PTPRD: variants seen among roughly 807,000 people sequenced by gnomAD.
PTPRD encodes the protein protein tyrosine phosphatase receptor type D.
In PTPRD, 34 loss-of-function variants were observed where a neutral mutation model predicts 214.5. The ratio of observed to expected loss-of-function variants is 0.16; its 90% CI spans 0.12 to 0.21. PTPRD has a LOEUF of 0.21. Among genes scored for constraint, PTPRD ranks in the 10% least tolerant of loss-of-function variants. The pLI, the probability that PTPRD is intolerant of heterozygous loss-of-function variation, is 1.00. For missense variants in PTPRD, 2,545 were observed against 2,398.7 expected (o/e 1.06, Z -1.27); for synonymous variants, 1,128 against 845.7 (o/e 1.33, Z -5.79).
At chr9:8,479,121 C>A (rs1323537095) in intron 30 of PTPRD, among the ~76,000 whole-genome samples, 1 of 152,202 alleles carries the variant, frequency 6.6e-6, no homozygotes, top group Non-Finnish European at 1.5e-5. Context: ...AACTTGCCAA[C>A]CACGGCAAGT....
intron 5 of PTPRD, among the ~76,000 whole-genome samples, chr9:9,933,951 A>G (rs1206064355): frequency 6.9e-6 from 1 of 145,690 alleles, no homozygotes; most frequent in Non-Finnish European, 1.5e-5. Flanking sequence ...ACTACATGGA[A>G]ACTGAACAAC....
chr9:10,566,023 G>A (rs2065491628), intron 2 of PTPRD, among the ~76,000 whole-genome samples: 1 of 151,818 alleles, frequency 6.6e-6, no homozygotes, highest in African/African-American at 2.4e-5. Context: ...TGAGTTTTAT[G>A]TTAATGGAAA....
intron 5 of PTPRD, among the ~76,000 whole-genome samples, chr9:9,768,476 T>C (rs1334607808): frequency 6.6e-6 from 1 of 152,232 alleles, no homozygotes; most frequent in Non-Finnish European, 1.5e-5. Context: ...GTTTCATTTC[T>C]TCTCTTATTA....
intron 9 of PTPRD, among the ~76,000 whole-genome samples, chr9:9,295,765 G>C (rs1952786239): frequency 6.6e-6 from 1 of 151,806 alleles, no homozygotes. Flanking sequence ...TTTACAACCA[G>C]GGTGGGGAAC....
intron 4 of PTPRD, among the ~76,000 whole-genome samples, chr9:9,968,887 A>G (rs1361485402): frequency 1.3e-5 from 2 of 152,128 alleles, no homozygotes; most frequent in South Asian, 2.1e-4. Flanking sequence ...TAATAACTGA[A>G]TAAGTTATTA....
chr9:9,439,127 T>C (rs2086493879), intron 8 of PTPRD, among the ~76,000 whole-genome samples: 1 of 152,284 alleles, frequency 6.6e-6, no homozygotes, highest in South Asian at 2.1e-4. Context: ...CATTAAAATA[T>C]ATATGGCTTA....
At chr9:9,956,392 G>A (rs534117909) in intron 4 of PTPRD, among the ~76,000 whole-genome samples, 4 of 151,822 alleles carry the variant, frequency 2.6e-5, no homozygotes, top group South Asian at 2.1e-4. Context: ...ATTTCTGCAC[G>A]AACCTGAAAG....
intron 3 of PTPRD, among the ~76,000 whole-genome samples, chr9:10,067,814 A>G (rs2097912434): frequency 6.6e-6 from 1 of 151,848 alleles, no homozygotes; most frequent in Non-Finnish European, 1.5e-5. Flanking sequence ...GTGATGACCT[A>G]ATAAATGTTT....
chr9:8,549,675 G>A (rs2081415383), intron 14 of PTPRD, among the ~76,000 whole-genome samples: 1 of 152,082 alleles, frequency 6.6e-6, no homozygotes, highest in Non-Finnish European at 1.5e-5. Context: ...GAGGGGAGAT[G>A]AAGTAAAATA....
At chr9:10,495,566 T>C (rs1020167048) in intron 2 of PTPRD, among the ~76,000 whole-genome samples, 2 of 151,910 alleles carry the variant, frequency 1.3e-5, no homozygotes, top group Non-Finnish European at 2.9e-5. Flanking sequence ...ATTCACTGTT[T>C]TAGGTGTCTT....
chr9:10,244,495 G>C (rs1387482787), intron 3 of PTPRD, among the ~76,000 whole-genome samples: 2 of 152,142 alleles, frequency 1.3e-5, no homozygotes, highest in East Asian at 3.9e-4. Flanking sequence ...TACAGGTAGA[G>C]AGATCTGAGT....
chr9:10,548,577 C>A (rs1292619705), intron 2 of PTPRD, among the ~76,000 whole-genome samples: 9 of 152,124 alleles, frequency 5.9e-5, no homozygotes, highest in African/African-American at 2.2e-4. Context: ...TCAGCGTAAG[C>A]ACTGACCATG....
At chr9:8,931,797 T>A (rs10816001) in intron 11 of PTPRD, among the ~76,000 whole-genome samples, 1 of 151,124 alleles carries the variant, frequency 6.6e-6, no homozygotes, top group Non-Finnish European at 1.5e-5. Flanking sequence ...CTGGTCCTGG[T>A]TTTTTTTTGG....
chr9:9,692,329 T>C (rs973187906), intron 7 of PTPRD, among the ~76,000 whole-genome samples: 1 of 152,058 alleles, frequency 6.6e-6, no homozygotes, highest in African/African-American at 2.4e-5. Flanking sequence ...GGATAAAGTT[T>C]CATTCTTCTG....
chr9:8,816,486 TACAGGGC>T (rs981825154), intron 11 of PTPRD, among the ~76,000 whole-genome samples: 1 of 152,172 alleles, frequency 6.6e-6, no homozygotes, highest in African/African-American at 2.4e-5. Context: ...GCAGTATCGT[TACAGGGC>T]ACAAAACAGC....
At chr9:9,823,459 T>G (rs1012485211) in intron 5 of PTPRD, among the ~76,000 whole-genome samples, 2 of 152,104 alleles carry the variant, frequency 1.3e-5, no homozygotes, top group South Asian at 4.2e-4. Flanking sequence ...AGGCCCCATC[T>G]CCAGCATTGG....
At chr9:9,889,537 G>A (rs113143393) in intron 5 of PTPRD, among the ~76,000 whole-genome samples, 1,966 of 152,204 alleles carry the variant, frequency 0.013, 28 homozygotes, top group African/African-American at 0.039. Flanking sequence ...AGAACACCAA[G>A]CCTCTAAGTT....
chr9:8,752,796 T>C (rs7846940), intron 11 of PTPRD, among the ~76,000 whole-genome samples: 104,890 of 151,944 alleles, frequency 0.69, 36,233 homozygotes, highest in Middle Eastern at 0.77. Context: ...TCATCTAAGC[T>C]GGGCCACCAA....
At chr9:10,412,054 T>C (rs1035501551) in intron 2 of PTPRD, among the ~76,000 whole-genome samples, 1 of 151,788 alleles carries the variant, frequency 6.6e-6, no homozygotes, top group African/African-American at 2.4e-5. Flanking sequence ...TAATGCTGAG[T>C]GTCCATTTCA....
Sources: gnomAD v4.1 joint callset for allele counts (sites outside exome capture counted in the v4.1 genomes callset) on GRCh38, gnomAD v4.1.1 for gene constraint, MANE v1.5 for transcripts, NCBI Gene and HGNC (gene_info 2026-07-23, HGNC 2026-07-21) for gene names.